Variants in TMEM132D observed in about 807,000 individuals in gnomAD.
The protein encoded by TMEM132D is transmembrane protein 132D.
Under a neutral mutation model 62.3 loss-of-function variants are expected in TMEM132D, and 21 were observed. The ratio of observed to expected loss-of-function variants is 0.34; its 90% CI spans 0.24 to 0.49. The LOEUF (loss-of-function observed/expected upper bound fraction) is 0.49. Among genes scored for constraint, TMEM132D ranks in the 20% least tolerant of loss-of-function variants. The pLI is 0.99. For missense variants in TMEM132D, 1,346 were observed against 1,402.8 expected, an observed-to-expected ratio of 0.96 and a Z score of 0.65; for synonymous variants, 621 against 575.6, an observed-to-expected ratio of 1.08 and a Z score of -1.13.
At chr12:129,377,947 A>T (rs1870831347) in intron 3 of TMEM132D, among the ~76,000 whole-genome samples, 1 of 152,256 alleles carries the variant, frequency 6.6e-6, no homozygotes, top group African/African-American at 2.4e-5. Context: ...TTTAAGCGAT[A>T]AAAGATTATC....
chr12:129,352,849 G>A (rs1869912728), intron 3 of TMEM132D, among the ~76,000 whole-genome samples: 1 of 152,324 alleles, frequency 6.6e-6, no homozygotes, highest in African/African-American at 2.4e-5. Context: ...GGAAGACAGT[G>A]TGGCAATTCC....
rs1235074614 is a variant in TMEM132D, at chr12:129,349,653, G to A, written c.1116-11836C>T. On this transcript the variant is annotated intron_variant, in intron 3 of 8. Coordinates refer to ENST00000422113, the MANE Select transcript of TMEM132D (RefSeq NM_133448.3). ...CTCTAGTAAGGCCTGTTCAGCACACGGGAACATACCCTGGCAAAGATCGGC... is the reference window on the plus strand; with the variant it reads ...CTCTAGTAAGGCCTGTTCAGCACACAGGAACATACCCTGGCAAAGATCGGC... 4.6e-5 allele frequency among the ~76,000 whole-genome samples: 7 copies of A among 152,266 alleles called. No individual in the cohort carries two copies. In the East Asian group the frequency reaches 5.8e-4, roughly 13 times the overall value.
intron 3 of TMEM132D, among the ~76,000 whole-genome samples, chr12:129,403,476 C>T (rs907875235): frequency 1.3e-5 from 2 of 151,772 alleles, no homozygotes; most frequent in African/African-American, 4.8e-5. Flanking sequence ...GCATTTAAAA[C>T]AGATTTTAAC....
rs1431852981 is a variant in TMEM132D at position 129,531,629 on chromosome 12, C to T, written c.969-424G>A. On this transcript the variant is annotated intron_variant, in intron 2 of 8. Transcript: ENST00000422113. ...TCATTGAATGTCTCCCAGTGCCAGGCCCTGATGGACACTGTGTCTATATTA... is the reference window on the plus strand; with the variant it reads ...TCATTGAATGTCTCCCAGTGCCAGGTCCTGATGGACACTGTGTCTATATTA... Among the ~76,000 whole-genome samples, 4 of 152,266 alleles carry T rather than the reference C, an allele frequency of 2.6e-5. No individual in the cohort carries two copies. The East Asian group carries it at 7.7e-4, about 29-fold the overall frequency.
chr12:129,559,908 A>T (rs1006367854), intron 2 of TMEM132D, among the ~76,000 whole-genome samples: 1 of 152,224 alleles, frequency 6.6e-6, no homozygotes, highest in African/African-American at 2.4e-5. Context: ...CCCCTGGGAA[A>T]ACAGGATAGC....
chr12:129,784,332 T>C (rs1056182580), intron 1 of TMEM132D, among the ~76,000 whole-genome samples: 5 of 152,220 alleles, frequency 3.3e-5, no homozygotes, highest in African/African-American at 1.2e-4. Context: ...GCAAAACATG[T>C]GTCCCACCTC....
chr12:129,270,334 C>G (rs936367873), intron 4 of TMEM132D, among the ~76,000 whole-genome samples: 1 of 152,172 alleles, frequency 6.6e-6, no homozygotes, highest in African/African-American at 2.4e-5. Flanking sequence ...CTGTAGAACA[C>G]AGGGTACCAC....
chr12:129,293,031 G>A (rs4620790), intron 4 of TMEM132D, among the ~76,000 whole-genome samples: 48,615 of 152,026 alleles, frequency 0.32, 8,455 homozygotes, highest in Middle Eastern at 0.41. Flanking sequence ...GAGGGCAGAG[G>A]GGCCCTGTTT....
At chr12:129,846,774 A>G (rs1172007525) in intron 1 of TMEM132D, among the ~76,000 whole-genome samples, 1 of 152,100 alleles carries the variant, frequency 6.6e-6, no homozygotes, top group Non-Finnish European at 1.5e-5. Flanking sequence ...TGGTTATTCT[A>G]TTATTCAGTT....
chr12:129,838,335 T>C (rs1873070410), intron 1 of TMEM132D, among the ~76,000 whole-genome samples: 1 of 152,238 alleles, frequency 6.6e-6, no homozygotes, highest in Non-Finnish European at 1.5e-5. Flanking sequence ...TCTGAAAGAC[T>C]GCATTTATGG....
intron 2 of TMEM132D, among the ~76,000 whole-genome samples, chr12:129,655,791 C>A (rs868707183): frequency 1.5e-4 from 23 of 152,264 alleles, no homozygotes; most frequent in Middle Eastern, 6.8e-3. Flanking sequence ...CCCTTTCTGG[C>A]ACAGAGCTGC....
chr12:129,760,514 C>T (rs1447894580), intron 1 of TMEM132D, among the ~76,000 whole-genome samples: 1 of 151,774 alleles, frequency 6.6e-6, no homozygotes, highest in East Asian at 2.0e-4. Flanking sequence ...CCACGCCCGG[C>T]TGATTTTTGT....
Position 129,154,341 on chromosome 12 carries a change from A to G in TMEM132D, c.1443+55179T>C, listed in dbSNP as rs149985283. Among the ~76,000 whole-genome samples, 729 of 152,282 alleles carry G rather than the reference A, an allele frequency of 4.8e-3. 5 individuals are homozygous for G. The highest frequency in any genetic ancestry group is 0.016 in the African/African-American group (681 of 41,556). ...TTCTCATTTTTAGAAACCACAGAAA[A>G]TATGCTTACATTTCCCCAGTTTTGC... On this transcript the variant is annotated intron_variant, in intron 5 of 8. Transcript: ENST00000422113.
chr12:129,159,159 G>A (rs1877327843), intron 5 of TMEM132D, among the ~76,000 whole-genome samples: 1 of 152,154 alleles, frequency 6.6e-6, no homozygotes, highest in African/African-American at 2.4e-5. Context: ...GATGGACAAT[G>A]TACTTCTTGG....
At position 129,081,812 on chromosome 12, in the gene TMEM132D, G is replaced by A. The variant is rs2135615945; in HGVS notation, c.1870C>T (p.Leu624=). ...MQVEEPRIAK[L]QGGQILMGQE... ...CCCATCAGGATCTGTCCGCCTTGCA[G>A]CTTGGCGATCCTGGGCTCCTCCACC... Residue 624 remains leucine, a synonymous_variant, in exon 7 of 9, where the codon CTG becomes TTG. Transcript: ENST00000422113. The A allele has an allele frequency of 6.2e-7, 1 of 1,613,070 alleles. No individual in the cohort carries two copies. The highest frequency in any genetic ancestry group is 1.1e-5 in the South Asian group (1 of 91,050).
chr12:129,769,630 C>T (rs532318671), intron 1 of TMEM132D, among the ~76,000 whole-genome samples: 3 of 152,228 alleles, frequency 2.0e-5, no homozygotes, highest in African/African-American at 7.2e-5. Flanking sequence ...CGGATAAAAG[C>T]CCCCTGACTC....
chr12:129,087,465 C>T (rs1368253768), intron 5 of TMEM132D, among the ~76,000 whole-genome samples: 2 of 150,380 alleles, frequency 1.3e-5, no homozygotes, highest in African/African-American at 2.5e-5. Flanking sequence ...TCCTAGATTA[C>T]TTGGGTGGGC....
intron 5 of TMEM132D, among the ~76,000 whole-genome samples, chr12:129,134,697 T>C (rs1477008859): frequency 6.6e-6 from 1 of 152,192 alleles, no homozygotes; most frequent in Non-Finnish European, 1.5e-5. Flanking sequence ...GAGTCCAGTT[T>C]CAACAGACAG....
intron 4 of TMEM132D, among the ~76,000 whole-genome samples, chr12:129,215,251 T>C (rs12309703): frequency 0.39 from 59,027 of 151,994 alleles, 11,761 homozygotes; most frequent in East Asian, 0.5. Context: ...TACCACATGT[T>C]CTCGCTTATA....
Sources: allele counts gnomAD v4.1 joint callset (sites outside exome capture counted in the v4.1 genomes callset), GRCh38; gene constraint gnomAD v4.1.1; transcripts MANE v1.5; gene names NCBI Gene and HGNC (gene_info 2026-07-23, HGNC 2026-07-21).